The following PDE1A variants were observed in gnomAD, a reference collection of about 807,000 sequenced individuals.
The protein encoded by PDE1A is dual specificity calcium/calmodulin-dependent 3',5'-cyclic nucleotide phosphodiesterase 1A.
PDE1A carries 35 observed loss-of-function variants against 61.7 expected under a neutral mutation model. The ratio of observed to expected loss-of-function variants is 0.57; its 90% CI spans 0.43 to 0.75. PDE1A has a LOEUF of 0.75. Ranked by LOEUF, PDE1A falls within the 30% of genes least tolerant of loss-of-function variation. The probability of loss-of-function intolerance (pLI) is 0.00; values close to 1 mark genes in which losing one functional copy is unlikely to be tolerated. For synonymous variants in PDE1A, 232 were observed against 213.2 expected (o/e 1.09, Z -0.77); for missense variants, 597 against 630.6 (o/e 0.95, Z 0.57).
chr2:182,350,617 A>AT (rs1391901409), intron 1 of PDE1A, among the ~76,000 whole-genome samples: 1 of 152,130 alleles, frequency 6.6e-6, no homozygotes, highest in Middle Eastern at 3.2e-3. Flanking sequence ...TGTCATGATG[A>AT]TTTTTAATTG....
chr2:182,472,271 C>T (rs1413154307), intron 2 of PDE1A, among the ~76,000 whole-genome samples: 4 of 151,708 alleles, frequency 2.6e-5, no homozygotes, highest in Non-Finnish European at 5.9e-5. Context: ...CTATTTATCA[C>T]AGAACTATTC....
the PDE1A span, among the ~76,000 whole-genome samples, chr2:182,609,444 C>T: frequency 6.6e-6 from 1 of 152,246 alleles, no homozygotes; most frequent in African/African-American, 2.4e-5. Context: ...CTTGCTGTTG[C>T]TCACTCGTTG....
the PDE1A span, among the ~76,000 whole-genome samples, chr2:182,690,966 T>G: frequency 6.6e-6 from 1 of 152,094 alleles, no homozygotes; most frequent in South Asian, 2.1e-4. Flanking sequence ...GGAATCCAAC[T>G]TACAAGGGAT....
At chr2:182,692,681 A>G in the PDE1A span, among the ~76,000 whole-genome samples, 1 of 148,090 alleles carries the variant, frequency 6.8e-6, no homozygotes, top group Non-Finnish European at 1.5e-5. Flanking sequence ...AAATATATAT[A>G]TATATAAAAT....
chr2:182,654,978 C>T, the PDE1A span, among the ~76,000 whole-genome samples: 1 of 152,162 alleles, frequency 6.6e-6, no homozygotes, highest in Non-Finnish European at 1.5e-5. Context: ...CTCATTTGTC[C>T]TGTCTAAGGT....
chr2:182,626,748 CATATATATATAT>C, the PDE1A span, among the ~76,000 whole-genome samples: 662 of 16,582 alleles, frequency 0.04, 81 homozygotes, highest in East Asian at 0.11. Flanking sequence ...CATATATATA[CATATATATATAT>C]ACATATATAT....
At chr2:182,186,360 T>C in intron 12 of PDE1A, 108 bp downstream of exon 12, 1 of 1,331,050 alleles carries the variant, frequency 7.5e-7, no homozygotes, top group Non-Finnish European at 1.0e-6. Context: ...TACTCCCTAA[T>C]AATTCTTGTG....
chr2:182,565,391 G>A, the PDE1A span, among the ~76,000 whole-genome samples: 1 of 152,176 alleles, frequency 6.6e-6, no homozygotes, highest in Non-Finnish European at 1.5e-5. Flanking sequence ...CGCAAATGCT[G>A]CTGTCTGATT....
the PDE1A span, among the ~76,000 whole-genome samples, chr2:182,695,666 C>CAAAAAAAAAAAAAAAAAA: frequency 3.0e-5 from 1 of 32,838 alleles, no homozygotes; most frequent in Non-Finnish European, 6.0e-5. Flanking sequence ...GGCCCTCTCT[C>CAAAAAAAAAAAAAAAAAA]AAAAAAAAAA....
chr2:182,354,015 C>T (rs1429830549), intron 1 of PDE1A, among the ~76,000 whole-genome samples: 1 of 151,984 alleles, frequency 6.6e-6, no homozygotes, highest in East Asian at 1.9e-4. Flanking sequence ...GTCTGATAAC[C>T]AAATTGTCAA....
the PDE1A span, among the ~76,000 whole-genome samples, chr2:182,563,508 A>G: frequency 1.6e-4 from 24 of 152,136 alleles, 1 homozygote; most frequent in Middle Eastern, 3.4e-3. Flanking sequence ...GGTGTGGTGC[A>G]GTGCTGAAAA....
the PDE1A span, among the ~76,000 whole-genome samples, chr2:182,537,943 A>G: frequency 1.4e-4 from 22 of 152,272 alleles, no homozygotes; most frequent in East Asian, 4.1e-3. Context: ...AAGCTCTTCA[A>G]GACTGAAGCT....
intron 2 of PDE1A, among the ~76,000 whole-genome samples, chr2:182,501,495 T>C (rs538970093): frequency 1.2e-4 from 18 of 152,322 alleles, no homozygotes; most frequent in Admixed American, 5.2e-4. Context: ...AACAGCCTCT[T>C]CTGTTTTGAA....
chr2:182,682,954 T>C, the PDE1A span, among the ~76,000 whole-genome samples: 2 of 152,082 alleles, frequency 1.3e-5, no homozygotes, highest in East Asian at 1.9e-4. Flanking sequence ...GTAGCCCAGT[T>C]AAGTTTTTTG....
intron 7 of PDE1A, among the ~76,000 whole-genome samples, chr2:182,210,814 T>C (rs1687522087): frequency 6.6e-6 from 1 of 152,182 alleles, no homozygotes; most frequent in Non-Finnish European, 1.5e-5. Context: ...TGATCCATTT[T>C]GAGTTAATTT....
chr2:182,187,441 G>T (rs1685304346), intron 11 of PDE1A, among the ~76,000 whole-genome samples: 1 of 152,124 alleles, frequency 6.6e-6, no homozygotes, highest in Admixed American at 6.5e-5. Context: ...CTCAAGTCAA[G>T]AATTGTTGTT....
chr2:182,417,688 A>G (rs779863778), intron 1 of PDE1A, among the ~76,000 whole-genome samples: 164 of 152,310 alleles, frequency 1.1e-3, no homozygotes, highest in Middle Eastern at 3.4e-3. Flanking sequence ...AAAATGTTTT[A>G]CAAATTATTT....
the PDE1A span, among the ~76,000 whole-genome samples, chr2:182,586,311 A>T: frequency 6.6e-6 from 1 of 152,206 alleles, no homozygotes; most frequent in African/African-American, 2.4e-5. Flanking sequence ...TAGAGAACAC[A>T]TCCCAGCCTG....
chr2:182,575,842 A>G, the PDE1A span, among the ~76,000 whole-genome samples: 1 of 146,358 alleles, frequency 6.8e-6, no homozygotes, highest in Non-Finnish European at 1.5e-5. Context: ...TCTTGCAGAG[A>G]GCCTATTGTG....
Sources: allele counts gnomAD v4.1 joint callset (sites outside exome capture counted in the v4.1 genomes callset), GRCh38; gene constraint gnomAD v4.1.1; transcripts MANE v1.5; gene names NCBI Gene and HGNC (gene_info 2026-07-23, HGNC 2026-07-21).